Variants in ASTN2 observed in about 807,000 individuals in gnomAD.
ASTN2 encodes the protein astrotactin-2.
Under a neutral mutation model 139.8 loss-of-function variants are expected in ASTN2, and 54 were observed. That is an observed-to-expected ratio of 0.39 (90% CI 0.31 to 0.48). ASTN2 has a LOEUF of 0.48. ASTN2 is among the 20% of genes least tolerant of loss of function. The pLI is 0.95. For synonymous variants in ASTN2, 756 were observed against 719.5 expected (o/e 1.05, Z -0.81); for missense variants, 1,565 against 1,725.1 (o/e 0.91, Z 1.64).
intron 10 of ASTN2, among the ~76,000 whole-genome samples, chr9:116,968,697 G>A (rs1392541811): frequency 6.6e-6 from 1 of 151,962 alleles, no homozygotes; most frequent in African/African-American, 2.4e-5. Flanking sequence ...TCAGGAGTTC[G>A]AAACCAGCCT....
At chr9:116,672,000 C>G (rs975082987) in intron 16 of ASTN2, among the ~76,000 whole-genome samples, 2 of 151,988 alleles carry the variant, frequency 1.3e-5, no homozygotes, top group Non-Finnish European at 2.9e-5. Context: ...TGTGTTGTTT[C>G]GAGTGGCAAA....
Position 117,414,663 on chromosome 9 carries a change from A to G in ASTN2, c.276T>C (p.Ala92=), listed in dbSNP as rs548654760. ...CGGCGGCGGCTCCGGCCCCGGTCCC[A>G]GCCCCGGCCCCGGCGCGGGCGCCGC... ...GWSGARAGAG[A]GTGAGAAAAA... Residue 92 remains alanine, a synonymous_variant, in exon 1 of 23, where the codon GCT becomes GCC. Coordinates refer to ENST00000313400, the MANE Select transcript of ASTN2 (RefSeq NM_001365068.1). The surrounding 1 kb of genome is among the most constrained non-coding windows in gnomAD (Gnocchi z 4.2). 2,531 of 1,282,650 alleles carry G rather than the reference A, an allele frequency of 2.0e-3. 1 individual carries two copies. The highest frequency in any genetic ancestry group is 2.4e-3 in the Admixed American group (59 of 24,914). 79.5% of individuals were successfully genotyped at this position (1,282,650 alleles called of 1,614,324 possible).
At chr9:117,363,007 A>G (rs2130898730) in intron 1 of ASTN2, among the ~76,000 whole-genome samples, 1 of 151,908 alleles carries the variant, frequency 6.6e-6, no homozygotes, top group African/African-American at 2.4e-5. Flanking sequence ...CAATATCCAA[A>G]CCAAATTTGG....
chr9:116,634,356 C>T (rs997841540), intron 17 of ASTN2, among the ~76,000 whole-genome samples: 8 of 151,776 alleles, frequency 5.3e-5, no homozygotes, highest in African/African-American at 1.7e-4. Context: ...TTTGGGAGGC[C>T]GAGGCGGGCG....
chr9:116,447,851 C>T (rs575523255), intron 20 of ASTN2, among the ~76,000 whole-genome samples: 73 of 152,270 alleles, frequency 4.8e-4, no homozygotes, highest in Non-Finnish European at 9.1e-4. Flanking sequence ...CTGACTTCAC[C>T]CCCAACTGGA....
At chr9:116,906,738 G>T (rs901158232) in intron 10 of ASTN2, among the ~76,000 whole-genome samples, 2 of 152,128 alleles carry the variant, frequency 1.3e-5, no homozygotes, top group Non-Finnish European at 2.9e-5. Flanking sequence ...CAGGGAGTGT[G>T]AGTTGAGATG....
At chr9:116,683,774 T>G (rs1860033323) in intron 16 of ASTN2, among the ~76,000 whole-genome samples, 1 of 152,232 alleles carries the variant, frequency 6.6e-6, no homozygotes, top group Non-Finnish European at 1.5e-5. Context: ...ATGGAAACTA[T>G]TTGTAAGTAT....
At chr9:116,613,406 T>A (rs1203226296) in intron 19 of ASTN2, 1 of 152,124 alleles carries the variant, frequency 6.6e-6, no homozygotes, top group African/African-American at 2.4e-5. Flanking sequence ...TACCAAAGCC[T>A]GGCAGAGACA....
chr9:116,838,650 C>T (rs1048206454), intron 11 of ASTN2, among the ~76,000 whole-genome samples: 2 of 149,362 alleles, frequency 1.3e-5, no homozygotes, highest in Non-Finnish European at 1.5e-5. Flanking sequence ...ATCTCGAACT[C>T]CTGACCTCAG....
At chr9:116,951,891 A>G (rs749716068) in intron 10 of ASTN2, among the ~76,000 whole-genome samples, 13 of 152,234 alleles carry the variant, frequency 8.5e-5, no homozygotes, top group South Asian at 2.1e-4. Context: ...TATTAGCACT[A>G]CATTTCTGAC....
chr9:116,559,593 T>C (rs1462833710), intron 19 of ASTN2, among the ~76,000 whole-genome samples: 1 of 152,154 alleles, frequency 6.6e-6, no homozygotes, highest in Admixed American at 6.5e-5. Flanking sequence ...TGTTACAAAA[T>C]ATATGGTGTA....
intron 1 of ASTN2, among the ~76,000 whole-genome samples, chr9:117,338,735 T>TTTTTTTTTTGCCATTATC (rs925079630): frequency 1.3e-5 from 2 of 149,910 alleles, no homozygotes; most frequent in African/African-American, 4.9e-5. Flanking sequence ...CAAAAGTAAT[T>TTTTTTTTTTGCCATTATC]TTTTTTTTTG....
At chr9:116,718,972 G>GTGTATATATATATATATATATA (rs56991546) in intron 16 of ASTN2, among the ~76,000 whole-genome samples, 3 of 99,998 alleles carry the variant, frequency 3.0e-5, no homozygotes, top group Non-Finnish European at 4.0e-5. Flanking sequence ...ACCTGTATCT[G>GTGTATATATATATATATATATA]TACATATATA....
At chr9:116,583,951 T>G (rs1221866452) in intron 19 of ASTN2, 1 of 152,088 alleles carries the variant, frequency 6.6e-6, no homozygotes, top group Admixed American at 6.5e-5. Flanking sequence ...AATCACTCCC[T>G]CTAACCCAAA....
At chr9:116,953,299 T>G (rs960063466) in intron 10 of ASTN2, among the ~76,000 whole-genome samples, 1 of 152,258 alleles carries the variant, frequency 6.6e-6, no homozygotes, top group Non-Finnish European at 1.5e-5. Context: ...GTGTTATAGT[T>G]ACAATTGAAT....
intron 13 of ASTN2, among the ~76,000 whole-genome samples, chr9:116,795,328 C>G (rs1045214271): frequency 2.0e-5 from 3 of 152,222 alleles, no homozygotes; most frequent in Non-Finnish European, 4.4e-5. Flanking sequence ...ATTAGCACAC[C>G]ACTGCAACTT....
chr9:116,493,490 C>T (rs1849580800), intron 19 of ASTN2, among the ~76,000 whole-genome samples: 1 of 152,198 alleles, frequency 6.6e-6, no homozygotes, highest in South Asian at 2.1e-4. Context: ...AGACTCTAGC[C>T]TTGCTCTCAT....
intron 3 of ASTN2, among the ~76,000 whole-genome samples, chr9:117,167,696 G>A (rs1309617565): frequency 1.3e-5 from 2 of 152,096 alleles, no homozygotes; most frequent in Non-Finnish European, 2.9e-5. Flanking sequence ...ACCAGGCTCT[G>A]AACAAGGAAG....
intron 3 of ASTN2, among the ~76,000 whole-genome samples, chr9:117,185,997 G>A (rs551575535): frequency 1.3e-5 from 2 of 152,212 alleles, no homozygotes; most frequent in Admixed American, 6.5e-5. Context: ...ACGGGAAGCA[G>A]AGTTATTGGT....
Sources: gnomAD v4.1 joint callset for allele counts (sites outside exome capture counted in the v4.1 genomes callset) on GRCh38, gnomAD v4.1.1 for gene constraint, Gnocchi (gnomAD v3.1) non-coding constraint, MANE v1.5 for transcripts, NCBI Gene and HGNC (gene_info 2026-07-23, HGNC 2026-07-21) for gene names.